The following MGMT variants were observed in gnomAD, a reference collection of about 807,000 sequenced individuals.
MGMT encodes methylated-DNA--protein-cysteine methyltransferase.
Under a neutral mutation model 15.9 loss-of-function variants are expected in MGMT, and 14 were observed. The ratio of observed to expected loss-of-function variants is 0.88; its 90% CI spans 0.58 to 1.37. MGMT has a LOEUF of 1.37. Among genes scored for constraint, MGMT ranks in the 40% most tolerant of loss-of-function variants. MGMT has a pLI of 0.00. For synonymous variants in MGMT, 130 were observed against 118.2 expected, an observed-to-expected ratio of 1.10 and a Z score of -0.65; for missense variants, 282 against 268.1, an observed-to-expected ratio of 1.05 and a Z score of -0.36.
At chr10:129,591,139 A>G (rs1846679332) in intron 2 of MGMT, among the ~76,000 whole-genome samples, 1 of 152,160 alleles carries the variant, frequency 6.6e-6, no homozygotes, top group African/African-American at 2.4e-5. Context: ...GGGTGGTGAC[A>G]GTGCCCCCAG....
chr10:129,493,019 G>T (rs1468109110), intron 1 of MGMT, among the ~76,000 whole-genome samples: 3 of 152,212 alleles, frequency 2.0e-5, no homozygotes, highest in African/African-American at 7.2e-5. Flanking sequence ...CTGCAATCCT[G>T]TGGGTGGAGT....
rs528993149 is a variant in MGMT, at chr10:129,720,936, CA to C, written c.274+12894del. Reference sequence around the variant, plus strand: ...CCTCTTCTGTTGTAAATTTAAATGTCAGGGGGAAAAAAAAAAAAGCAAGAAA... The same window carrying C: ...CCTCTTCTGTTGTAAATTTAAATGTCGGGGGAAAAAAAAAAAAGCAAGAAA... On this transcript the variant is annotated intron_variant, in intron 3 of 4. Transcript: ENST00000651593. Among the ~76,000 whole-genome samples the C allele has an allele frequency of 1.0e-2, 1,291 of 129,156 alleles. 18 individuals carry two copies. The highest frequency in any genetic ancestry group is 0.034 in the African/African-American group (1,184 of 35,254). The allele number at this position is 129,156 out of a possible 152,430, so 84.7% of individuals were successfully genotyped here.
chr10:129,725,242 A>T (rs1367099664), intron 3 of MGMT, among the ~76,000 whole-genome samples: 3 of 152,206 alleles, frequency 2.0e-5, no homozygotes, highest in Admixed American at 2.0e-4. Context: ...CAGAATCCAC[A>T]GCCCAGGCAG....
At position 129,533,842 on chromosome 10, in the gene MGMT, T is replaced by C. The variant is rs1845958041; in HGVS notation, c.-12-2399T>C. On this transcript the variant is annotated intron_variant, in intron 1 of 4. Coordinates refer to ENST00000651593, the MANE Select transcript of MGMT (RefSeq NM_002412.5). This position sits in a 1 kb window ranked among gnomAD's most constrained non-coding sequence, Gnocchi z 4.5. ...GGGCGGAGGCTGTGGGCCAAGATTG[T>C]GGCTCTGAGAAATGGAGATGGGAGA... is the stretch of plus-strand genomic sequence containing the variant. Among the ~76,000 whole-genome samples the C allele has an allele frequency of 6.6e-6, 1 of 152,122 alleles. No individual in the cohort carries two copies. Among genetic ancestry groups the C allele is most frequent in the African/African-American group, 2.4e-5 (1 of 41,432 alleles).
At chr10:129,708,806 G>A (rs1282293522) in intron 3 of MGMT, among the ~76,000 whole-genome samples, 2 of 152,076 alleles carry the variant, frequency 1.3e-5, no homozygotes, top group Non-Finnish European at 2.9e-5. Flanking sequence ...TCCTTAAAGG[G>A]AAAAATTACC....
intron 3 of MGMT, among the ~76,000 whole-genome samples, chr10:129,755,733 C>T (rs915636664): frequency 2.0e-5 from 3 of 152,264 alleles, no homozygotes; most frequent in African/African-American, 7.2e-5. Flanking sequence ...GCCAGCTCTG[C>T]TGTTGCCTGT....
chr10:129,757,110 T>TA, intron 3 of MGMT, among the ~76,000 whole-genome samples: 1 of 152,244 alleles, frequency 6.6e-6, no homozygotes, highest in African/African-American at 2.4e-5. Flanking sequence ...TGCTAAATAC[T>TA]ACATTGTTTG....
At chr10:129,635,139 C>T (rs61046021) in intron 2 of MGMT, among the ~76,000 whole-genome samples, 1 of 152,156 alleles carries the variant, frequency 6.6e-6, no homozygotes, top group African/African-American at 2.4e-5. Flanking sequence ...TGCTCCCAGC[C>T]CTGCAAGAGC....
chr10:129,562,155 A>G (rs1846287779), intron 2 of MGMT, among the ~76,000 whole-genome samples: 1 of 152,220 alleles, frequency 6.6e-6, no homozygotes, highest in African/African-American at 2.4e-5. Flanking sequence ...GTAAAAAATT[A>G]TATACCATTC....
chr10:129,581,271 C>T (rs1398514587), intron 2 of MGMT, among the ~76,000 whole-genome samples: 1 of 152,074 alleles, frequency 6.6e-6, no homozygotes, highest in African/African-American at 2.4e-5. Flanking sequence ...CCTGGTTCTG[C>T]AGTGGCGTGA....
At chr10:129,509,660 A>G (rs1229475696) in intron 1 of MGMT, among the ~76,000 whole-genome samples, 1 of 152,240 alleles carries the variant, frequency 6.6e-6, no homozygotes, top group Non-Finnish European at 1.5e-5. Context: ...GACTTTAGAC[A>G]AGTAATTCTG....
intron 2 of MGMT, among the ~76,000 whole-genome samples, chr10:129,617,174 G>A (rs987002909): frequency 9.9e-5 from 15 of 152,140 alleles, no homozygotes; most frequent in African/African-American, 3.4e-4. Flanking sequence ...CTTCTTTGTG[G>A]CCATGTGTAC....
intron 1 of MGMT, among the ~76,000 whole-genome samples, chr10:129,469,710 A>G (rs1297664018): frequency 6.6e-6 from 1 of 152,046 alleles, no homozygotes; most frequent in Non-Finnish European, 1.5e-5. Flanking sequence ...GCAGAATATT[A>G]TTTTATTATT....
At chr10:129,670,356 A>G (rs1183816465) in intron 2 of MGMT, among the ~76,000 whole-genome samples, 2 of 151,998 alleles carry the variant, frequency 1.3e-5, no homozygotes, top group East Asian at 1.9e-4. Flanking sequence ...GTACTTTCTC[A>G]TTTTTCTGAA....
intron 2 of MGMT, among the ~76,000 whole-genome samples, chr10:129,539,793 A>G (rs1333497422): frequency 6.6e-6 from 1 of 152,218 alleles, no homozygotes; most frequent in African/African-American, 2.4e-5. Context: ...GGCGTGAGCC[A>G]CCGCGCCCGG....
chr10:129,583,675 T>G (rs1846584021), intron 2 of MGMT, among the ~76,000 whole-genome samples: 1 of 152,240 alleles, frequency 6.6e-6, no homozygotes, highest in Non-Finnish European at 1.5e-5. Context: ...GTGGCACACA[T>G]AGCAGGACCG....
At chr10:129,650,738 C>T (rs1398891525) in intron 2 of MGMT, among the ~76,000 whole-genome samples, 1 of 152,012 alleles carries the variant, frequency 6.6e-6, no homozygotes, top group Non-Finnish European at 1.5e-5. Context: ...GTAAATTTAC[C>T]CTTCTCGGTC....
At chr10:129,750,900 C>G (rs1023867799) in intron 3 of MGMT, among the ~76,000 whole-genome samples, 6 of 152,036 alleles carry the variant, frequency 3.9e-5, no homozygotes, top group Admixed American at 3.3e-4. Flanking sequence ...TTTCCTGGGA[C>G]AAACCCCACT....
chr10:129,593,262 A>G (rs1278606518), intron 2 of MGMT, among the ~76,000 whole-genome samples: 2 of 152,242 alleles, frequency 1.3e-5, no homozygotes, highest in South Asian at 4.1e-4. Flanking sequence ...CCTCCAAGTC[A>G]TGACGGTGGG....
Sources: gnomAD v4.1 joint callset for allele counts (sites outside exome capture counted in the v4.1 genomes callset) on GRCh38, gnomAD v4.1.1 for gene constraint, Gnocchi (gnomAD v3.1) non-coding constraint, MANE v1.5 for transcripts, NCBI Gene and HGNC (gene_info 2026-07-23, HGNC 2026-07-21) for gene names.